The following POLR1A variants were observed in gnomAD, a reference collection of about 807,000 sequenced individuals.
POLR1A encodes RNA polymerase I subunit A.
In POLR1A, 84 loss-of-function variants were observed where a neutral mutation model predicts 205.3. The ratio of observed to expected loss-of-function variants is 0.41; its 90% confidence interval spans 0.34 to 0.49. The LOEUF (loss-of-function observed/expected upper bound fraction) is 0.49. POLR1A is among the 20% of genes least tolerant of loss of function. The pLI is 0.22. For missense variants in POLR1A, 1,645 were observed against 2,204.5 expected, an observed-to-expected ratio of 0.75 and a Z score of 5.08; for synonymous variants, 799 against 863.7, an observed-to-expected ratio of 0.93 and a Z score of 1.31.
In POLR1A at chr2:86,030,942, T is replaced by G. The variant is rs557067620; in HGVS notation, c.4578+388A>C. 2.0e-5 allele frequency among the ~76,000 whole-genome samples: 3 copies of G among 152,290 alleles called. No individual in the cohort carries two copies. The South Asian group carries it at 6.2e-4, about 32-fold the overall frequency. On this transcript the variant is annotated intron_variant, in intron 30 of 33. Transcript: ENST00000263857. Reference sequence around the variant, plus strand: ...AACAGTGTCTCTACAACACGTGTGGTCCATGGTAACATATCTGTTGTACTG... The same window carrying G: ...AACAGTGTCTCTACAACACGTGTGGGCCATGGTAACATATCTGTTGTACTG...
Position 86,077,857 on chromosome 2 carries a change from A to C in POLR1A, c.1380+2T>G, listed in dbSNP as rs1163817889. ...CACACACACACACACACACACACAC[A>C]CCATGGGAATTCCAATTTCGTTGGT... is the stretch of plus-strand genomic sequence containing the variant. On this transcript the variant is annotated splice_donor_variant, in intron 11 of 33. Coordinates refer to ENST00000263857, the MANE Select transcript of POLR1A (RefSeq NM_015425.6). LOFTEE classifies it high-confidence loss of function. The C allele has an allele frequency of 8.2e-6, 13 of 1,593,190 alleles. No individual in the cohort carries two copies. Among genetic ancestry groups the C allele is most frequent in the African/African-American group, 4.2e-5 (3 of 72,114 alleles).
chr2:86,042,009 C>T lies in POLR1A; in HGVS notation c.3452G>A (p.Arg1151His), dbSNP rs1029249129. 21 of 1,613,978 alleles carry T rather than the reference C, an allele frequency of 1.3e-5. No homozygotes were observed. The highest frequency in any genetic ancestry group is 1.7e-4 in the Middle Eastern group (1 of 6,034). Residue 1151 changes from arginine to histidine, a missense_variant, in exon 24 of 34, where the codon CGT becomes CAT. By Grantham distance (29) the Arg-to-His change is conservative (BLOSUM62 0). This residue lies in a region of POLR1A where 201 missense variants were observed against 222.3 expected (regional missense o/e 0.90). Transcript: ENST00000263857. ...ACPDPSLSVW[R>H]PDIYFASVSE... ...CACTGATGCAAAGTAGATGTCAGGA[C>T]GCCAGACAGACAGACTGGGGTCAGG... is the stretch of plus-strand genomic sequence containing the variant.
At chr2:86,034,502 C>T (rs1248990190) in intron 27 of POLR1A, among the ~76,000 whole-genome samples, 1 of 152,226 alleles carries the variant, frequency 6.6e-6, no homozygotes, top group Non-Finnish European at 1.5e-5. Context: ...TGGCCCCCTG[C>T]CACTTCCTCC....
At position 86,033,734 on chromosome 2, in the gene POLR1A, G is replaced by C. The variant is rs1397672150; in HGVS notation, c.4088C>G (p.Ala1363Gly). 2.5e-6 allele frequency: 4 copies of C among 1,613,912 alleles called. No individual in the cohort carries two copies. The highest frequency in any genetic ancestry group is 3.4e-6 in the Non-Finnish European group (4 of 1,179,914). Residue 1363 changes from alanine to glycine, a missense_variant, in exon 28 of 34, where the codon GCT becomes GGT. Ala to Gly is a moderately conservative substitution (Grantham distance 60). Coordinates refer to ENST00000263857, the MANE Select transcript of POLR1A (RefSeq NM_015425.6). ...TCTTCGAGTGTTTACGTTCCTGAAA[G>C]CTGATGCTTTATTATTCTTCTTTTT... ...SIKKKNNKAS[A>G]FRNVNTRRAT...
rs142319899 is a variant in POLR1A, at chr2:86,070,778, T to C, written c.1612-506A>G. The stretch of plus-strand genomic sequence containing the variant: ...CACAAAAAGTTTGCCCAGCTTCATA[T>C]AGCAGAGCCAGAAAAGGGTTCTTAG... On this transcript the variant is annotated intron_variant, in intron 12 of 33. Transcript: ENST00000263857. The surrounding 1 kb of genome is among the most constrained non-coding windows in gnomAD (Gnocchi z 4.4). 2.5e-3 allele frequency among the ~76,000 whole-genome samples: 374 copies of C among 150,560 alleles called. 2 individuals carry two copies. The highest frequency in any genetic ancestry group is 8.1e-3 in the African/African-American group (332 of 41,048).
chr2:86,051,132 AT>A (rs1672793990), intron 16 of POLR1A, among the ~76,000 whole-genome samples: 1 of 151,616 alleles, frequency 6.6e-6, no homozygotes, highest in Non-Finnish European at 1.5e-5. Flanking sequence ...ATAATCTGTA[AT>A]TACCAGACAT....
At chr2:86,064,935 C>T (rs1322684956) in intron 14 of POLR1A, among the ~76,000 whole-genome samples, 1 of 151,968 alleles carries the variant, frequency 6.6e-6, no homozygotes, top group East Asian at 1.9e-4. Context: ...AATCCCACGC[C>T]CAGCTAATTT....
chr2:86,086,954 T>G (rs772948652), intron 6 of POLR1A, among the ~76,000 whole-genome samples: 4 of 152,214 alleles, frequency 2.6e-5, no homozygotes, highest in African/African-American at 9.6e-5. Context: ...CAGTGTTAAC[T>G]ACCAACCATG....
In POLR1A at chr2:86,043,014, T is replaced by C; in HGVS notation, c.3317A>G (p.Glu1106Gly). 1.2e-6 allele frequency: 2 copies of C among 1,614,180 alleles called. No homozygotes were observed. The highest frequency in any genetic ancestry group is 1.3e-5 in the African/African-American group (1 of 75,058). The part of the protein sequence containing the change: ...IQEAVKALKL[E>G]SENRNGRSPG... ...GCTGCGGCCATTGCGGTTTTCACTC[T>C]CAAGTTTCAGGGCTTTCACAGCTTC... The change falls in exon 23 of 34, where the codon GAG (glutamate) becomes GGG (glycine). Residue 1106 changes from glutamate to glycine, a missense_variant. Glu to Gly is a moderately conservative substitution (Grantham distance 98). Transcript: ENST00000263857.
chr2:86,031,206 G>C (rs1229061449), intron 30 of POLR1A, 124 bp downstream of exon 30: 1 of 1,379,798 alleles, frequency 7.2e-7, no homozygotes, highest in Non-Finnish European at 9.5e-7. Context: ...CTGAGTGGGA[G>C]ACCATGGGGA....
At chr2:86,060,544 C>T (rs1672975495) in intron 14 of POLR1A, among the ~76,000 whole-genome samples, 1 of 152,194 alleles carries the variant, frequency 6.6e-6, no homozygotes, top group Non-Finnish European at 1.5e-5. Context: ...TCATATATTA[C>T]TACTTGGTTT....
chr2:86,063,186 T>G (rs1219419523), intron 14 of POLR1A, among the ~76,000 whole-genome samples: 2 of 151,548 alleles, frequency 1.3e-5, no homozygotes, highest in Admixed American at 1.3e-4. Context: ...AAATACAAAA[T>G]TAGCCGGGCA....
rs369945315 is a variant in POLR1A, at chr2:86,040,381, G to A, written c.3740+11C>T. The A allele has an allele frequency of 4.4e-6, 7 of 1,589,684 alleles. No individual in the cohort carries two copies. In the African/African-American group the frequency reaches 6.7e-5, roughly 15 times the overall value. ...GACAGACCCCACCCTGTGCTCCCTT[G>A]TGCCCCACACCTTGGAATGCCCAGG... On this transcript the variant is annotated intron_variant, in intron 25 of 33. Coordinates refer to ENST00000263857, the MANE Select transcript of POLR1A (RefSeq NM_015425.6).
intron 22 of POLR1A, among the ~76,000 whole-genome samples, chr2:86,043,687 T>G (rs150125361): frequency 6.6e-6 from 1 of 152,150 alleles, no homozygotes; most frequent in Non-Finnish European, 1.5e-5. Context: ...CATTAAGGTA[T>G]ACAATGAAAA....
At chr2:86,041,149 CTGTGTGTGTGTGTG>C (rs756415592) in intron 24 of POLR1A, among the ~76,000 whole-genome samples, 40 of 122,362 alleles carry the variant, frequency 3.3e-4, no homozygotes, top group Admixed American at 5.1e-4. Context: ...CTGAGCTACA[CTGTGTGTGTGTGTG>C]TGTGTGTGTG....
intron 14 of POLR1A, among the ~76,000 whole-genome samples, chr2:86,059,771 G>A (rs903514076): frequency 1.3e-5 from 2 of 152,062 alleles, no homozygotes; most frequent in African/African-American, 2.4e-5. Context: ...TTGCCATATT[G>A]GCCAGGCTGG....
intron 13 of POLR1A, chr2:86,065,771 T>C (rs1673074956): frequency 3.5e-6 from 1 of 288,908 alleles, no homozygotes; most frequent in Non-Finnish European, 6.4e-6. Context: ...TACTCCAGCA[T>C]ATTTTTGGCA....
Position 86,043,042 on chromosome 2 carries a change from G to A in POLR1A, c.3289C>T (p.Gln1097Ter), listed in dbSNP as rs752517315. 6.2e-7 allele frequency: 1 copy of A among 1,614,150 alleles called. No individual in the cohort carries two copies. The highest frequency in any genetic ancestry group is 8.5e-7 in the Non-Finnish European group (1 of 1,180,022). Residue 1097 changes from glutamine (Q) to a stop codon, truncating the protein, a stop_gained, in exon 23 of 34, where the codon CAG becomes TAG. Coordinates refer to ENST00000263857, the MANE Select transcript of POLR1A (RefSeq NM_015425.6). LOFTEE classifies it high-confidence loss of function. ...GAFLSYSQKI[Q>*]EAVKALKLES... ...AGTTTCAGGGCTTTCACAGCTTCCT[G>A]AATTTTCTGGGAATAACTCAAGAAG... is the stretch of plus-strand genomic sequence containing the variant.
At position 86,049,193 on chromosome 2, in the gene POLR1A, A is replaced by G; in HGVS notation, c.2442T>C (p.Arg814=). 6.2e-7 allele frequency: 1 copy of G among 1,614,042 alleles called. No homozygotes were observed. The highest frequency in any genetic ancestry group is 8.5e-7 in the Non-Finnish European group (1 of 1,179,886). ...CGCAGTGGGTGGATTCTTCAATGAT[A>G]CGTTGCCTCTTGACATCTGCCTTTG... is the stretch of plus-strand genomic sequence containing the variant. ...VKPKADVKRQ[R]IIEESTHCGP... is the part of the protein sequence containing the mutation. The change falls in exon 17 of 34, where the codon CGT becomes CGC. Residue 814 remains arginine, a synonymous_variant. Coordinates refer to ENST00000263857, the MANE Select transcript of POLR1A (RefSeq NM_015425.6).
Sources: allele counts gnomAD v4.1 joint callset (sites outside exome capture counted in the v4.1 genomes callset), GRCh38; gene constraint gnomAD v4.1.1; regional missense constraint gnomAD v4.1.1; non-coding constraint Gnocchi (gnomAD v3.1); transcripts MANE v1.5; gene names NCBI Gene and HGNC (gene_info 2026-07-23, HGNC 2026-07-21).